The following CNTNAP5 variants were observed in gnomAD, a reference collection of about 807,000 sequenced individuals.
The protein encoded by CNTNAP5 is contactin-associated protein-like 5.
CNTNAP5 carries 72 observed loss-of-function variants against 150.2 expected under a neutral mutation model. The observed-to-expected ratio is 0.48, with a 90% CI of 0.40 to 0.58. CNTNAP5 has a LOEUF of 0.58. CNTNAP5 is among the 20% of genes least tolerant of loss of function. The pLI, the probability that CNTNAP5 is intolerant of heterozygous loss-of-function variation, is 0.00. For synonymous variants in CNTNAP5, 672 were observed against 619.8 expected, an observed-to-expected ratio of 1.08 and a Z score of -1.25; for missense variants, 1,636 against 1,626.2, an observed-to-expected ratio of 1.01 and a Z score of -0.10.
chr2:124,317,204 G>A (rs1688989495), intron 3 of CNTNAP5, among the ~76,000 whole-genome samples: 1 of 152,054 alleles, frequency 6.6e-6, no homozygotes, highest in African/African-American at 2.4e-5. Flanking sequence ...ATTAAGTTCA[G>A]GTCAGATTTG....
chr2:124,088,694 T>G (rs560492505), intron 1 of CNTNAP5, among the ~76,000 whole-genome samples: 2 of 152,306 alleles, frequency 1.3e-5, no homozygotes, highest in African/African-American at 4.8e-5. Flanking sequence ...ACTGGTGGGT[T>G]CCTCATTACT....
chr2:124,602,014 T>C (rs750325772), intron 11 of CNTNAP5, among the ~76,000 whole-genome samples: 29 of 152,302 alleles, frequency 1.9e-4, no homozygotes, highest in Middle Eastern at 3.4e-3. Context: ...ATCCAGAAGA[T>C]ACTTTTGATT....
intron 3 of CNTNAP5, among the ~76,000 whole-genome samples, chr2:124,308,592 T>C (rs1365256016): frequency 6.6e-6 from 1 of 152,216 alleles, no homozygotes; most frequent in Non-Finnish European, 1.5e-5. Flanking sequence ...GAAAAGCACA[T>C]AATCAGTTTG....
At position 124,764,065 on chromosome 2, in the gene CNTNAP5, CT is replaced by C; in HGVS notation, c.2453del (p.Phe818SerfsTer13). 6.2e-7 allele frequency: 1 copy of C among 1,613,228 alleles called. No individual in the cohort carries two copies. The highest frequency in any genetic ancestry group is 8.5e-7 in the Non-Finnish European group (1 of 1,179,366). On this transcript the variant is annotated frameshift_variant, in exon 16 of 24. Transcript: ENST00000682447. LOFTEE classifies it high-confidence loss of function. ...FHAEFSADIS[F>X]FFKTTALSGV... ...ATGCGGAATTCAGTGCCGATATTTC[CT>C]TCTTTTTTAAAACCACAGCATTATC...
intron 14 of CNTNAP5, among the ~76,000 whole-genome samples, chr2:124,750,993 A>G (rs1323939628): frequency 6.6e-6 from 1 of 151,470 alleles, no homozygotes; most frequent in African/African-American, 2.4e-5. Context: ...AAAAAAAAAA[A>G]AAAAAAAAAA....
At position 124,698,948 on chromosome 2, in the gene CNTNAP5, A is replaced by G. The variant is rs547827508; in HGVS notation, c.2078-48281A>G. ...GTGGCAGCCCAGTGTGAGGAATGGA[A>G]TTCTGTATGATGATGGACATGTTCT... On this transcript the variant is annotated intron_variant, in intron 13 of 23. Transcript: ENST00000682447. Among the ~76,000 whole-genome samples the G allele has an allele frequency of 7.4e-4, 112 of 152,280 alleles. 1 individual carries two copies. The Middle Eastern group carries it at 0.014, about 18-fold the overall frequency.
At chr2:124,526,321 C>T (rs567087005) in intron 9 of CNTNAP5, among the ~76,000 whole-genome samples, 3 of 152,178 alleles carry the variant, frequency 2.0e-5, no homozygotes, top group Admixed American at 2.0e-4. Context: ...ATTCTCTCTA[C>T]AGCTTCAATT....
chr2:124,214,128 C>G (rs968776386), intron 1 of CNTNAP5, among the ~76,000 whole-genome samples: 2 of 152,160 alleles, frequency 1.3e-5, no homozygotes, highest in Admixed American at 1.3e-4. Flanking sequence ...CCCGTTGCAG[C>G]TGTTGCAGTG....
At chr2:124,479,060 C>G (rs766003486) in intron 7 of CNTNAP5, among the ~76,000 whole-genome samples, 1 of 152,120 alleles carries the variant, frequency 6.6e-6, no homozygotes, top group Non-Finnish European at 1.5e-5. Context: ...GACTACAAGA[C>G]AATTCTCCAC....
intron 3 of CNTNAP5, among the ~76,000 whole-genome samples, chr2:124,250,713 G>A (rs533846377): frequency 3.3e-5 from 5 of 151,738 alleles, no homozygotes; most frequent in Admixed American, 6.6e-5. Context: ...GTCAAATTTC[G>A]AGGCCCCAGG....
intron 9 of CNTNAP5, among the ~76,000 whole-genome samples, chr2:124,525,320 TA>T (rs1573435873): frequency 1.3e-5 from 2 of 152,154 alleles, no homozygotes; most frequent in East Asian, 3.9e-4. Context: ...CACGGGGAAA[TA>T]AGCTCACCTC....
intron 5 of CNTNAP5, among the ~76,000 whole-genome samples, chr2:124,439,934 T>A (rs1692633206): frequency 6.6e-6 from 1 of 152,286 alleles, no homozygotes; most frequent in African/African-American, 2.4e-5. Flanking sequence ...CTAAGCTACA[T>A]AACTTACATG....
intron 1 of CNTNAP5, among the ~76,000 whole-genome samples, chr2:124,152,085 A>AT (rs1195320262): frequency 2.0e-5 from 3 of 152,140 alleles, no homozygotes; most frequent in Non-Finnish European, 4.4e-5. Context: ...TGGCAAATGC[A>AT]TTTTTTTAGA....
intron 5 of CNTNAP5, among the ~76,000 whole-genome samples, chr2:124,437,099 G>T (rs76848941): frequency 0.016 from 2,476 of 152,254 alleles, 71 homozygotes; most frequent in African/African-American, 0.056. Context: ...AATCTATAAT[G>T]TAGGTTTCAT....
At chr2:124,725,962 G>GTT (rs1468762439) in intron 13 of CNTNAP5, among the ~76,000 whole-genome samples, 10 of 151,814 alleles carry the variant, frequency 6.6e-5, no homozygotes, top group African/African-American at 1.9e-4. Flanking sequence ...ATATATGCGT[G>GTT]TGTGTATATA....
chr2:124,056,743 C>T (rs1681857330), intron 1 of CNTNAP5, among the ~76,000 whole-genome samples: 1 of 152,146 alleles, frequency 6.6e-6, no homozygotes. Context: ...ATACATGGAG[C>T]AGAATGTGGA....
At chr2:124,038,382 A>T (rs556602064) in intron 1 of CNTNAP5, among the ~76,000 whole-genome samples, 1 of 152,082 alleles carries the variant, frequency 6.6e-6, no homozygotes, top group Admixed American at 6.5e-5. Context: ...TATTGTCTTG[A>T]CTCAGAGGAC....
In CNTNAP5 at chr2:124,493,713, C is replaced by T. The variant is rs574001724; in HGVS notation, c.1063-10579C>T. Among the ~76,000 whole-genome samples, 357 of 152,108 alleles carry T rather than the reference C, an allele frequency of 2.3e-3. 2 individuals carry two copies. Among genetic ancestry groups the T allele is most frequent in the African/African-American group, 8.1e-3 (337 of 41,490 alleles). Reference sequence around the variant, plus strand: ...ATTCCTTCCTATGTTATAAATATTACTGATTAAATTGAGAAGTTGACTTCT... The same window carrying T: ...ATTCCTTCCTATGTTATAAATATTATTGATTAAATTGAGAAGTTGACTTCT... On this transcript the variant is annotated intron_variant, in intron 7 of 23. Transcript: ENST00000682447.
intron 3 of CNTNAP5, among the ~76,000 whole-genome samples, chr2:124,259,954 T>C (rs958741608): frequency 2.0e-5 from 3 of 152,134 alleles, no homozygotes; most frequent in South Asian, 4.2e-4. Flanking sequence ...AGGTAATTTA[T>C]AGATTCAATG....
Sources: gnomAD v4.1 joint callset for allele counts (sites outside exome capture counted in the v4.1 genomes callset) on GRCh38, gnomAD v4.1.1 for gene constraint, MANE v1.5 for transcripts, NCBI Gene and HGNC (gene_info 2026-07-23, HGNC 2026-07-21) for gene names.